The following PLCB4 variants were observed in gnomAD, a reference collection of about 807,000 sequenced individuals.
The protein encoded by PLCB4 is 1-phosphatidylinositol 4,5-bisphosphate phosphodiesterase beta-4.
A neutral mutation model predicts 178.8 loss-of-function variants in PLCB4; 77 were observed. The ratio of observed to expected loss-of-function variants is 0.43; its 90% CI spans 0.36 to 0.52. PLCB4 has a LOEUF of 0.52. Among genes scored for constraint, PLCB4 ranks in the 20% least tolerant of loss-of-function variants. The pLI is 0.00. For missense variants in PLCB4, 1,024 were observed against 1,453.4 expected (o/e 0.70, Z 4.80); for synonymous variants, 496 against 490.8 (o/e 1.01, Z -0.14).
chr20:9,456,624 T>C (rs2043074702), intron 33 of PLCB4, among the ~76,000 whole-genome samples: 1 of 152,194 alleles, frequency 6.6e-6, no homozygotes, highest in Non-Finnish European at 1.5e-5. Flanking sequence ...ACGGGAATGT[T>C]TCGGCAGTGC....
chr20:9,444,162 T>TC lies in PLCB4; in HGVS notation c.2815-16_2815-15insC, dbSNP rs766777727. On this transcript the variant is annotated splice_polypyrimidine_tract_variant and intron_variant, in intron 31 of 39. Coordinates refer to ENST00000378473, the MANE Select transcript of PLCB4 (RefSeq NM_001377142.1). The stretch of plus-strand genomic sequence containing the variant: ...AAAACAAAAAACCTATTTTTGATTC[T>TC]ATTTTTCTCCCAAAGGCTTACTTGA... 3.8e-6 allele frequency: 6 copies of TC among 1,573,046 alleles called. No individual in the cohort carries two copies. The African/African-American group carries it at 8.2e-5, about 21-fold the overall frequency.
rs151023611 is a variant in PLCB4, at chr20:9,191,042, A to C, written c.-78-26348A>C. Among the ~76,000 whole-genome samples, 524 of 152,334 alleles carry C rather than the reference A, an allele frequency of 3.4e-3. 2 individuals carry two copies. The Middle Eastern group carries it at 0.048, about 14-fold the overall frequency. ...TACCCTGCAGAGTTTAATTCAGTAG[A>C]CTAATTTTTCATGAAATGCAGTTCT... On this transcript the variant is annotated intron_variant, in intron 2 of 39. Coordinates refer to ENST00000378473, the MANE Select transcript of PLCB4 (RefSeq NM_001377142.1).
chr20:9,156,983 C>T (rs1473893256), intron 2 of PLCB4, among the ~76,000 whole-genome samples: 2 of 151,582 alleles, frequency 1.3e-5, no homozygotes, highest in Non-Finnish European at 2.9e-5. Flanking sequence ...AGAGCAGACA[C>T]GGAGCTTGGC....
At chr20:9,192,137 C>T (rs1238044131) in intron 2 of PLCB4, among the ~76,000 whole-genome samples, 1 of 152,110 alleles carries the variant, frequency 6.6e-6, no homozygotes, top group East Asian at 1.9e-4. Context: ...TAATTGCAGT[C>T]TTGGAGTTCC....
chr20:9,345,651 G>C (rs1205163361), intron 7 of PLCB4, among the ~76,000 whole-genome samples: 1 of 152,158 alleles, frequency 6.6e-6, no homozygotes, highest in African/African-American at 2.4e-5. Context: ...CAAATATTGG[G>C]ATTGAGTTTA....
Position 9,408,679 on chromosome 20 carries a change from T to G in PLCB4, c.1836T>G (p.Gly612=). ...TGTCTTCTTTTAATGAATCAGTCGG[T>G]CTTGGCTACTTGAAGACACATGCAA... The part of the protein sequence containing the change: ...YNMSSFNESV[G]LGYLKTHAIE... The change falls in exon 23 of 40, where the codon GGT becomes GGG. Residue 612 remains glycine, a synonymous_variant. Coordinates refer to ENST00000378473, the MANE Select transcript of PLCB4 (RefSeq NM_001377142.1). The G allele has an allele frequency of 2.5e-6, 4 of 1,592,380 alleles. No individual in the cohort carries two copies. The highest frequency in any genetic ancestry group is 3.4e-6 in the Non-Finnish European group (4 of 1,160,448).
At chr20:9,348,517 T>C (rs932919677) in intron 7 of PLCB4, among the ~76,000 whole-genome samples, 3 of 152,130 alleles carry the variant, frequency 2.0e-5, no homozygotes, top group Non-Finnish European at 4.4e-5. Context: ...CTATGGGTGA[T>C]GCAATAGGAC....
chr20:9,229,500 AAG>A (rs2093908052), intron 3 of PLCB4, among the ~76,000 whole-genome samples: 1 of 152,060 alleles, frequency 6.6e-6, no homozygotes, highest in African/African-American at 2.4e-5. Flanking sequence ...TCAGTAACCA[AAG>A]TGCATGCTGC....
intron 25 of PLCB4, among the ~76,000 whole-genome samples, chr20:9,413,397 C>T (rs1412590109): frequency 1.3e-5 from 2 of 150,094 alleles, no homozygotes; most frequent in Non-Finnish European, 2.9e-5. Flanking sequence ...CAGTGGCTCA[C>T]ACCTGGAATC....
At chr20:9,070,165 A>G (rs924457396) in intron 1 of PLCB4, among the ~76,000 whole-genome samples, 1 of 152,166 alleles carries the variant, frequency 6.6e-6, no homozygotes, top group African/African-American at 2.4e-5. Flanking sequence ...TTTTAAAATG[A>G]TATTGAATTT....
intron 2 of PLCB4, among the ~76,000 whole-genome samples, chr20:9,118,315 C>A (rs1043152386): frequency 1.4e-4 from 18 of 125,778 alleles, no homozygotes; most frequent in Admixed American, 1.3e-3. Context: ...AAAAAAAAAA[C>A]AACAAAGTGC....
At chr20:9,470,569 T>G (rs1329647836) in intron 36 of PLCB4, among the ~76,000 whole-genome samples, 1 of 152,234 alleles carries the variant, frequency 6.6e-6, no homozygotes, top group East Asian at 1.9e-4. Context: ...TCAAATATGT[T>G]ACAAAGTAGA....
At chr20:9,474,855 G>T (rs942552593) in intron 38 of PLCB4, among the ~76,000 whole-genome samples, 1 of 152,108 alleles carries the variant, frequency 6.6e-6, no homozygotes, top group African/African-American at 2.4e-5. Context: ...TCATAAGCAA[G>T]TCCACTCCAA....
At chr20:9,260,962 T>C (rs767826262) in intron 3 of PLCB4, among the ~76,000 whole-genome samples, 3 of 152,140 alleles carry the variant, frequency 2.0e-5, no homozygotes, top group Non-Finnish European at 2.9e-5. Context: ...ATTAAAGCCA[T>C]TATTTTTCTT....
chr20:9,325,460 T>C lies in PLCB4; in HGVS notation c.85-11666T>C, dbSNP rs1263778489. The stretch of plus-strand genomic sequence containing the variant: ...ACTCTGAGAGGTAGTTGTTGAATAT[T>C]TTAGGAATAATTTCTTCACCTCTTT... On this transcript the variant is annotated intron_variant, in intron 4 of 39. Coordinates refer to ENST00000378473, the MANE Select transcript of PLCB4 (RefSeq NM_001377142.1). Among the ~76,000 whole-genome samples, 3 of 152,186 alleles carry C rather than the reference T, an allele frequency of 2.0e-5. No homozygotes were observed. In the East Asian group the frequency reaches 5.8e-4, roughly 29 times the overall value.
intron 3 of PLCB4, among the ~76,000 whole-genome samples, chr20:9,261,746 A>G (rs2147551275): frequency 6.6e-6 from 1 of 152,282 alleles, no homozygotes; most frequent in South Asian, 2.1e-4. Context: ...GGTGAATGGA[A>G]GTCTTCCCCT....
chr20:9,076,754 G>A (rs1249017483), intron 1 of PLCB4, among the ~76,000 whole-genome samples: 2 of 152,072 alleles, frequency 1.3e-5, no homozygotes, highest in African/African-American at 2.4e-5. Flanking sequence ...CAGTTCCTTC[G>A]GGATGTGTTT....
chr20:9,413,680 C>G (rs2040033107), intron 25 of PLCB4, among the ~76,000 whole-genome samples: 1 of 149,894 alleles, frequency 6.7e-6, no homozygotes, highest in Non-Finnish European at 1.5e-5. Flanking sequence ...AAAAAAAAGT[C>G]CTGACAATCC....
intron 6 of PLCB4, among the ~76,000 whole-genome samples, 176 bp downstream of exon 6, chr20:9,338,243 A>G (rs2032735312): frequency 6.6e-6 from 1 of 152,190 alleles, no homozygotes; most frequent in African/African-American, 2.4e-5. Context: ...TATTCACATG[A>G]AACCTCTGTG....
Sources: allele counts gnomAD v4.1 joint callset (sites outside exome capture counted in the v4.1 genomes callset), GRCh38; gene constraint gnomAD v4.1.1; transcripts MANE v1.5; gene names NCBI Gene and HGNC (gene_info 2026-07-23, HGNC 2026-07-21).